Variants in PPP1R9A observed in about 807,000 individuals in gnomAD.
PPP1R9A encodes neurabin-1.
Under a neutral mutation model 141.9 loss-of-function variants are expected in PPP1R9A, and 59 were observed. The ratio of observed to expected loss-of-function variants is 0.42; its 90% CI spans 0.34 to 0.52. The LOEUF is 0.52. PPP1R9A is among the 20% of genes least tolerant of loss of function. PPP1R9A has a pLI of 0.10. For synonymous variants in PPP1R9A, 500 were observed against 569.7 expected (o/e 0.88, Z 1.74); for missense variants, 1,444 against 1,611.9 (o/e 0.90, Z 1.78).
intron 8 of PPP1R9A, among the ~76,000 whole-genome samples, chr7:95,232,167 A>G (rs924996926): frequency 6.6e-6 from 1 of 152,148 alleles, no homozygotes; most frequent in African/African-American, 2.4e-5. Context: ...CTGGAAATAT[A>G]CAATCACCCT....
chr7:95,067,434 G>A (rs1272456499), intron 2 of PPP1R9A, among the ~76,000 whole-genome samples: 2 of 152,200 alleles, frequency 1.3e-5, no homozygotes, highest in Non-Finnish European at 2.9e-5. Context: ...TGGCGGGAAG[G>A]AAGTTTTATA....
At chr7:95,123,245 C>A (rs1463753113) in intron 4 of PPP1R9A, among the ~76,000 whole-genome samples, 1 of 152,140 alleles carries the variant, frequency 6.6e-6, no homozygotes, top group Non-Finnish European at 1.5e-5. Flanking sequence ...CTTTACCAGT[C>A]CCAGTGTACA....
Position 95,249,229 on chromosome 7 carries a change from A to C in PPP1R9A, c.2167-797A>C, listed in dbSNP as rs1330580971. Among the ~76,000 whole-genome samples, 3 of 152,216 alleles carry C rather than the reference A, an allele frequency of 2.0e-5. No individual in the cohort carries two copies. The East Asian group carries it at 5.8e-4, about 29-fold the overall frequency. On this transcript the variant is annotated intron_variant, in intron 9 of 19. Transcript: ENST00000433360. ...CAAGCAAAAATTTATACTTTTACTT[A>C]CACTATCTTTTATATTTTTATGGGA...
At chr7:95,046,691 CTGCTACTTATT>C (rs1386780035) in intron 2 of PPP1R9A, among the ~76,000 whole-genome samples, 2 of 152,304 alleles carry the variant, frequency 1.3e-5, no homozygotes, top group Admixed American at 1.3e-4. Context: ...GGGACATCAG[CTGCTACTTATT>C]TGCTACTGAT....
intron 2 of PPP1R9A, among the ~76,000 whole-genome samples, chr7:95,051,193 T>G (rs188000502): frequency 6.6e-6 from 1 of 152,190 alleles, no homozygotes; most frequent in Non-Finnish European, 1.5e-5. Context: ...TTTTTTTTTC[T>G]TTCGAATAGG....
At chr7:95,139,219 G>A (rs1420238727) in intron 4 of PPP1R9A, among the ~76,000 whole-genome samples, 1 of 152,188 alleles carries the variant, frequency 6.6e-6, no homozygotes, top group Admixed American at 6.5e-5. Flanking sequence ...AGTCATGGCA[G>A]AAGGCACCTC....
chr7:95,230,723 C>T lies in PPP1R9A; in HGVS notation c.2112+4607C>T, dbSNP rs141113588. 3.2e-4 allele frequency among the ~76,000 whole-genome samples: 49 copies of T among 152,022 alleles called. No homozygotes were observed. In the East Asian group the frequency reaches 3.5e-3, roughly 11 times the overall value. On this transcript the variant is annotated intron_variant, in intron 8 of 19. Transcript: ENST00000433360. ...GAGAGAAATCTAAAAGTTTGGAAAACGGATATTTGAGGGAATAATTGAGGA... is the reference window on the plus strand; with the variant it reads ...GAGAGAAATCTAAAAGTTTGGAAAATGGATATTTGAGGGAATAATTGAGGA...
At chr7:95,075,441 C>T (rs1324447602) in intron 2 of PPP1R9A, among the ~76,000 whole-genome samples, 5 of 152,154 alleles carry the variant, frequency 3.3e-5, no homozygotes, top group South Asian at 2.1e-4. Context: ...AAAACATTCA[C>T]TTAATACATC....
At chr7:95,097,715 CT>C (rs757231860) in intron 2 of PPP1R9A, among the ~76,000 whole-genome samples, 7 of 152,106 alleles carry the variant, frequency 4.6e-5, no homozygotes, top group Non-Finnish European at 8.8e-5. Context: ...TCTTCATGAC[CT>C]ATTAGATTGA....
intron 2 of PPP1R9A, among the ~76,000 whole-genome samples, chr7:94,934,793 A>G (rs1394208047): frequency 1.7e-5 from 2 of 119,414 alleles, no homozygotes; most frequent in East Asian, 2.5e-4. Context: ...GCTTTTATCA[A>G]ATGTGTGTGT....
chr7:94,977,664 TG>T lies in PPP1R9A; in HGVS notation c.1395+66159del, dbSNP rs1481269346. Among the ~76,000 whole-genome samples, 11 of 152,182 alleles carry T rather than the reference TG, an allele frequency of 7.2e-5. No homozygotes were observed. The Middle Eastern group carries it at 0.01, about 141-fold the overall frequency. On this transcript the variant is annotated intron_variant, in intron 2 of 19. Coordinates refer to ENST00000433360, the MANE Select transcript of PPP1R9A (RefSeq NM_001166160.2). ...GACAATGAGTTCCTGAGAGGATGGTTGGGATATGAGGCCAAATCAGGGGATA... is the reference window on the plus strand; with the variant it reads ...GACAATGAGTTCCTGAGAGGATGGTTGGATATGAGGCCAAATCAGGGGATA...
intron 3 of PPP1R9A, among the ~76,000 whole-genome samples, chr7:95,114,754 A>G (rs555749788): frequency 5.9e-5 from 9 of 152,174 alleles, no homozygotes; most frequent in African/African-American, 1.9e-4. Flanking sequence ...TATCCTTTGG[A>G]AAAATGTTAA....
At chr7:95,198,598 A>G in intron 6 of PPP1R9A, 114 bp downstream of exon 6, 22 of 1,247,614 alleles carry the variant, frequency 1.8e-5, no homozygotes, top group Non-Finnish European at 2.3e-5. Context: ...GTGTGTCCAC[A>G]TTGAACTAAA....
At chr7:95,059,805 T>C (rs1368910342) in intron 2 of PPP1R9A, among the ~76,000 whole-genome samples, 1 of 152,242 alleles carries the variant, frequency 6.6e-6, no homozygotes, top group South Asian at 2.1e-4. Flanking sequence ...ATTCCTAATG[T>C]GTACTGTGTC....
At chr7:94,947,672 A>G (rs1796039623) in intron 2 of PPP1R9A, among the ~76,000 whole-genome samples, 1 of 152,248 alleles carries the variant, frequency 6.6e-6, no homozygotes, top group East Asian at 1.9e-4. Context: ...TATGTTGAGA[A>G]GAGTTCTAGT....
At chr7:95,144,406 C>G (rs1166223252) in intron 4 of PPP1R9A, among the ~76,000 whole-genome samples, 1 of 152,114 alleles carries the variant, frequency 6.6e-6, no homozygotes, top group African/African-American at 2.4e-5. Context: ...TCAACAGACA[C>G]TGGGTTTTTT....
intron 7 of PPP1R9A, among the ~76,000 whole-genome samples, chr7:95,215,551 T>A (rs1251170804): frequency 2.0e-5 from 3 of 152,168 alleles, no homozygotes; most frequent in East Asian, 3.8e-4. Flanking sequence ...CGCCACACTG[T>A]CTTCCACAAT....
At chr7:95,220,638 A>G (rs1373871481) in intron 7 of PPP1R9A, among the ~76,000 whole-genome samples, 1 of 152,142 alleles carries the variant, frequency 6.6e-6, no homozygotes, top group Non-Finnish European at 1.5e-5. Context: ...AGTGCCCACT[A>G]TATGCCAAGC....
intron 8 of PPP1R9A, among the ~76,000 whole-genome samples, chr7:95,236,732 T>C (rs957240414): frequency 6.6e-6 from 1 of 151,772 alleles, no homozygotes; most frequent in Non-Finnish European, 1.5e-5. Flanking sequence ...CTTTTTTCTT[T>C]CTTCTTTTTT....
Sources: allele counts gnomAD v4.1 joint callset (sites outside exome capture counted in the v4.1 genomes callset), GRCh38; gene constraint gnomAD v4.1.1; transcripts MANE v1.5; gene names NCBI Gene and HGNC (gene_info 2026-07-23, HGNC 2026-07-21).